Variants in PCSK6 observed in about 807,000 individuals in gnomAD.
The protein encoded by PCSK6 is proprotein convertase subtilisin/kexin type 6.
Under a neutral mutation model 123.3 loss-of-function variants are expected in PCSK6, and 85 were observed. That is an observed-to-expected ratio of 0.69 (90% CI 0.58 to 0.83). PCSK6 has a LOEUF of 0.83. Among genes scored for constraint, PCSK6 ranks in the 40% least tolerant of loss-of-function variants. The pLI is 0.00. For synonymous variants in PCSK6, 508 were observed against 516.0 expected, an observed-to-expected ratio of 0.98 and a Z score of 0.21; for missense variants, 1,191 against 1,282.3, an observed-to-expected ratio of 0.93 and a Z score of 1.09.
intron 13 of PCSK6, chr15:101,346,487 G>A (rs1408710665): frequency 5.3e-6 from 1 of 187,928 alleles, no homozygotes; most frequent in Non-Finnish European, 1.1e-5. Context: ...TGTCAGGGGA[G>A]AAAAAGACCA....
chr15:101,382,147 ACTT>A lies in PCSK6; in HGVS notation c.1474_1476del (p.Lys492del), dbSNP rs1428324145. 1.2e-6 allele frequency: 2 copies of A among 1,612,920 alleles called. No homozygotes were observed. The highest frequency in any genetic ancestry group is 4.5e-5 in the East Asian group (2 of 44,872). ...ATGTGCTGCGATGGCACTGCTGTCC[ACTT>A]CTTTGCCTCCACAACGAGAGCTTCT... On this transcript the variant is annotated inframe_deletion, in exon 11 of 22. Coordinates refer to ENST00000611716, the MANE Select transcript of PCSK6 (RefSeq NM_002570.5).
chr15:101,333,467 C>G (rs1224672260), intron 13 of PCSK6, among the ~76,000 whole-genome samples: 5 of 152,260 alleles, frequency 3.3e-5, no homozygotes, highest in African/African-American at 1.2e-4. Context: ...TCCCTGCTTC[C>G]TCTTCCTTTC....
intron 15 of PCSK6, among the ~76,000 whole-genome samples, chr15:101,329,455 G>A (rs1049832500): frequency 2.0e-5 from 3 of 152,222 alleles, no homozygotes; most frequent in African/African-American, 4.8e-5. Context: ...AGGTGCCCAC[G>A]AGAATAAGAG....
intron 1 of PCSK6, among the ~76,000 whole-genome samples, chr15:101,479,868 T>G (rs1306648866): frequency 6.6e-6 from 1 of 152,088 alleles, no homozygotes; most frequent in Non-Finnish European, 1.5e-5. Flanking sequence ...AGGAAGCTCT[T>G]GTAAGTGACC....
rs1567191826 is a variant in PCSK6 at position 101,398,907 on chromosome 15, A to ATTATTATTATTAT, written c.824-332_824-331insATAATAATAATAA. On this transcript the variant is annotated intron_variant, in intron 6 of 21. Coordinates refer to ENST00000611716, the MANE Select transcript of PCSK6 (RefSeq NM_002570.5). This position sits in a 1 kb window ranked among gnomAD's most constrained non-coding sequence, Gnocchi z 4.6. ...CCTATTATTATTATTATTATTATTT[A>ATTATTATTATTAT]TTATTATTATTTTGAGACAGAGTCT... 1.1e-4 allele frequency among the ~76,000 whole-genome samples: 11 copies of ATTATTATTATTAT among 97,952 alleles called. No homozygotes were observed. Among genetic ancestry groups the ATTATTATTATTAT allele is most frequent in the African/African-American group, 3.9e-4 (11 of 28,412 alleles). 64.3% of individuals were successfully genotyped at this position (97,952 alleles called of 152,430 possible).
intron 13 of PCSK6, among the ~76,000 whole-genome samples, chr15:101,345,517 A>G (rs1226403373): frequency 6.6e-6 from 1 of 152,258 alleles, no homozygotes; most frequent in Non-Finnish European, 1.5e-5. Flanking sequence ...TAAAAAGTCA[A>G]AAGTGAAACA....
At chr15:101,388,702 C>T (rs1310522970) in intron 9 of PCSK6, among the ~76,000 whole-genome samples, 6 of 87,044 alleles carry the variant, frequency 6.9e-5, no homozygotes, top group Non-Finnish European at 1.5e-4. Flanking sequence ...ACTTCACGCC[C>T]ATCAGGATGG....
intron 2 of PCSK6, among the ~76,000 whole-genome samples, chr15:101,437,126 T>G (rs2056623103): frequency 6.6e-6 from 1 of 152,240 alleles, no homozygotes; most frequent in African/African-American, 2.4e-5. Context: ...CAAAGGGGCC[T>G]GTGATTCCCC....
At chr15:101,344,441 G>A (rs761375089) in intron 13 of PCSK6, among the ~76,000 whole-genome samples, 2 of 152,070 alleles carry the variant, frequency 1.3e-5, no homozygotes, top group African/African-American at 4.8e-5. Flanking sequence ...CTCCAATAAC[G>A]CTTTTTGCCA....
intron 10 of PCSK6, among the ~76,000 whole-genome samples, 164 bp from the exon 11 acceptor site, chr15:101,382,373 A>C (rs1250373200): frequency 1.3e-5 from 2 of 152,214 alleles, no homozygotes; most frequent in African/African-American, 4.8e-5. Context: ...AGGGCTGCTC[A>C]AAGGTCCCAG....
chr15:101,334,579 G>A (rs2040435846), intron 13 of PCSK6: 1 of 152,280 alleles, frequency 6.6e-6, no homozygotes, highest in African/African-American at 2.4e-5. Context: ...GACCACAAAG[G>A]AATCCGAGCA....
At chr15:101,314,342 A>T (rs373666067) in intron 19 of PCSK6, among the ~76,000 whole-genome samples, 1 of 152,090 alleles carries the variant, frequency 6.6e-6, no homozygotes, top group Non-Finnish European at 1.5e-5. Context: ...GTCTCCAGGG[A>T]GCAACTGATG....
rs758747205 is a variant in PCSK6, at chr15:101,443,665, A to G, written c.298-5T>C. 6.2e-5 allele frequency: 99 copies of G among 1,602,548 alleles called. No homozygotes were observed. The highest frequency in any genetic ancestry group is 8.1e-5 in the Non-Finnish European group (95 of 1,169,622). ...GTAATCTTCCAGGTTTCCAATCTGC[A>G]AGACAAGAAGCAGAATGCCATCAAT... is the stretch of plus-strand genomic sequence containing the variant. On this transcript the variant is annotated splice_region_variant and splice_polypyrimidine_tract_variant and intron_variant, in intron 1 of 21. Coordinates refer to ENST00000611716, the MANE Select transcript of PCSK6 (RefSeq NM_002570.5).
rs546122214 is a variant in PCSK6, at chr15:101,428,361, C to T, written c.735-381G>A. On this transcript the variant is annotated intron_variant, in intron 5 of 21. Coordinates refer to ENST00000611716, the MANE Select transcript of PCSK6 (RefSeq NM_002570.5). ...GGTGGGTGCTGCGCCACCTCGGCCTCGTGTCTCCTGTGGCTGGCAGCAGGG... is the reference window on the plus strand; with the variant it reads ...GGTGGGTGCTGCGCCACCTCGGCCTTGTGTCTCCTGTGGCTGGCAGCAGGG... 1.5e-4 allele frequency among the ~76,000 whole-genome samples: 23 copies of T among 152,302 alleles called. No homozygotes were observed. In the South Asian group the frequency reaches 2.1e-3, roughly 14 times the overall value.
intron 15 of PCSK6, among the ~76,000 whole-genome samples, chr15:101,330,888 G>A (rs1013035078): frequency 2.6e-5 from 4 of 152,200 alleles, no homozygotes; most frequent in Non-Finnish European, 4.4e-5. Flanking sequence ...GGAATTGACC[G>A]TAATTTATAC....
intron 9 of PCSK6, among the ~76,000 whole-genome samples, chr15:101,386,902 G>A (rs777769754): frequency 2.6e-5 from 4 of 152,162 alleles, no homozygotes; most frequent in Non-Finnish European, 5.9e-5. Flanking sequence ...TCAAGGACGC[G>A]CTACACTGTT....
chr15:101,483,001 C>G (rs1397340080), intron 1 of PCSK6, among the ~76,000 whole-genome samples: 1 of 152,224 alleles, frequency 6.6e-6, no homozygotes, highest in Non-Finnish European at 1.5e-5. Context: ...CGGGTGAAGA[C>G]GTCAGATAGG....
At chr15:101,320,955 T>C (rs954649725) in intron 18 of PCSK6, among the ~76,000 whole-genome samples, 2 of 152,162 alleles carry the variant, frequency 1.3e-5, no homozygotes, top group African/African-American at 4.8e-5. Flanking sequence ...ATTCCTACAT[T>C]GAGTATCCGA....
rs2040021753 is a variant in PCSK6 at position 101,317,634 on chromosome 15, TG to T, written c.2569+684del. Among the ~76,000 whole-genome samples, 7 of 152,322 alleles carry T rather than the reference TG, an allele frequency of 4.6e-5. No individual in the cohort carries two copies. The South Asian group carries it at 1.5e-3, about 32-fold the overall frequency. On this transcript the variant is annotated intron_variant, in intron 19 of 21. Coordinates refer to ENST00000611716, the MANE Select transcript of PCSK6 (RefSeq NM_002570.5). The stretch of plus-strand genomic sequence containing the variant: ...TCTCCCAAAGCCCTCTCAATGTTTA[TG>T]GTGTTGTGTTTCTGTCCGCGCCGTT...
Sources: gnomAD v4.1 joint callset for allele counts (sites outside exome capture counted in the v4.1 genomes callset) on GRCh38, gnomAD v4.1.1 for gene constraint, Gnocchi (gnomAD v3.1) non-coding constraint, MANE v1.5 for transcripts, NCBI Gene and HGNC (gene_info 2026-07-23, HGNC 2026-07-21) for gene names.